KIAA1671: variants seen among roughly 807,000 people sequenced by gnomAD.
KIAA1671 encodes the protein uncharacterized protein KIAA1671.
A neutral mutation model predicts 131.2 loss-of-function variants in KIAA1671; 52 were observed. The observed-to-expected ratio is 0.40, with a 90% CI of 0.32 to 0.50. The LOEUF is 0.50. KIAA1671 is among the 20% of genes least tolerant of loss of function. KIAA1671 has a pLI of 0.73. For missense variants in KIAA1671, 2,360 were observed against 2,364.2 expected (o/e 1.00, Z 0.04); for synonymous variants, 1,003 against 961.6 (o/e 1.04, Z -0.80).
At chr22:24,958,112 G>A (rs1264980909) in intron 1 of KIAA1671, among the ~76,000 whole-genome samples, 1 of 151,964 alleles carries the variant, frequency 6.6e-6, no homozygotes, top group East Asian at 1.9e-4. Context: ...TGGAAGAGCT[G>A]GGATTTGAAC....
intron 6 of KIAA1671, among the ~76,000 whole-genome samples, chr22:25,103,242 G>T (rs1276122510): frequency 7.1e-6 from 1 of 141,380 alleles, no homozygotes; most frequent in South Asian, 2.2e-4. Context: ...ACGGCGTCTC[G>T]CTCTGTCACC....
intron 6 of KIAA1671, among the ~76,000 whole-genome samples, chr22:25,167,120 C>T (rs1430649440): frequency 1.3e-5 from 2 of 152,222 alleles, no homozygotes; most frequent in South Asian, 2.1e-4. Flanking sequence ...AGAATTCTGT[C>T]GATGGTGCTG....
intron 6 of KIAA1671, among the ~76,000 whole-genome samples, chr22:25,169,534 T>C (rs75480564): frequency 0.023 from 3,436 of 152,194 alleles, 135 homozygotes; most frequent in African/African-American, 0.077. Flanking sequence ...GATTGGACTT[T>C]TGGTTTTGTC....
intron 1 of KIAA1671, among the ~76,000 whole-genome samples, chr22:24,987,673 A>G (rs553621103): frequency 6.6e-6 from 1 of 152,160 alleles, no homozygotes; most frequent in South Asian, 2.1e-4. Context: ...GTCTTGCTGT[A>G]TTGCCCAGCC....
intron 1 of KIAA1671, among the ~76,000 whole-genome samples, chr22:24,991,275 G>A (rs940464405): frequency 2.0e-5 from 3 of 151,152 alleles, no homozygotes; most frequent in African/African-American, 7.4e-5. Flanking sequence ...CACCCACTTC[G>A]GCCTCCCAAA....
chr22:25,185,077 T>A lies in KIAA1671; in HGVS notation c.5300T>A (p.Leu1767Gln). 4 of 1,551,584 alleles carry A rather than the reference T, an allele frequency of 2.6e-6. No homozygotes were observed. The highest frequency in any genetic ancestry group is 3.5e-6 in the Non-Finnish European group (4 of 1,146,964). The change falls in exon 11 of 13, where the codon CTG (leucine) becomes CAG (glutamine). Residue 1767 changes from leucine to glutamine, a missense_variant. Leu to Gln is a moderately radical substitution (Grantham distance 113, BLOSUM62 -2). Around this residue, in one of 3 missense-constraint regions of KIAA1671, gnomAD observed 1,161 missense variants for 1,204.7 expected, o/e 0.96. Transcript: ENST00000358431. ...SPKSPFQPGVLGSRVLPSSMD... is the reference protein window; with the variant it reads ...SPKSPFQPGVQGSRVLPSSMD... The stretch of plus-strand genomic sequence containing the variant: ...AAGTCCCCCTTCCAGCCTGGGGTGC[T>A]GGGCAGTCGCGTGCTGCCTTCCAGC...
rs184323761 is a variant in KIAA1671, at chr22:25,095,276, C to T, written c.4530+45912C>T. ...TTCTTATGAAAGGCAGGGTGCCGTG[C>T]GGTCCAGTCTCTGCACAGACTCACA... On this transcript the variant is annotated intron_variant, in intron 6 of 12. Coordinates refer to ENST00000358431, the MANE Select transcript of KIAA1671 (RefSeq NM_001145206.2). 7.9e-4 allele frequency among the ~76,000 whole-genome samples: 120 copies of T among 152,302 alleles called. 1 individual carries two copies. Among genetic ancestry groups the T allele is most frequent in the African/African-American group, 2.7e-3 (114 of 41,564 alleles).
Position 25,039,517 on chromosome 22 carries a change from C to T in KIAA1671, c.2387C>T (p.Ala796Val), listed in dbSNP as rs1319757383. Residue 796 changes from alanine to valine, a missense_variant, in exon 5 of 13, where the codon GCC becomes GTC. Physicochemically the swap from Ala to Val is moderately conservative, Grantham distance 64. Around this residue, in one of 3 missense-constraint regions of KIAA1671, gnomAD observed 1,185 missense variants for 1,126.2 expected, o/e 1.05. Transcript: ENST00000358431. ...LEGQAGSVQR[A>V]SLIWEARGMP... is the part of the protein sequence containing the mutation. ...GGTCAGGCGGGGTCCGTCCAAAGGG[C>T]CAGTTTGATTTGGGAAGCTCGAGGC... 1.3e-6 allele frequency: 2 copies of T among 1,551,810 alleles called. No homozygotes were observed. Among genetic ancestry groups the T allele is most frequent in the Non-Finnish European group, 8.7e-7 (1 of 1,147,024 alleles).
rs1045426745 is a variant in KIAA1671 at position 25,195,069 on chromosome 22, G to C, written c.*2668G>C. On this transcript the variant is annotated 3_prime_UTR_variant, in exon 13 of 13. Transcript: ENST00000358431. ...GCCTTAATCATCTGTGTGTAATGGA[G>C]TCATCCGCTCCTCAATCTAACCCTC... 2.0e-5 allele frequency: 3 copies of C among 152,176 alleles called. No individual in the cohort carries two copies. Among genetic ancestry groups the C allele is most frequent in the African/African-American group, 7.2e-5 (3 of 41,444 alleles). 9.4% of individuals were successfully genotyped at this position (152,176 alleles called of 1,614,324 possible). A position where few individuals can be genotyped will look rare whatever the true frequency, so the allele number is the denominator to read the frequency against.
intron 6 of KIAA1671, among the ~76,000 whole-genome samples, chr22:25,104,683 C>G (rs899143084): frequency 6.6e-6 from 1 of 152,192 alleles, no homozygotes; most frequent in South Asian, 2.1e-4. Flanking sequence ...GGGGTTCACC[C>G]TCCCTATTAT....
intron 6 of KIAA1671, among the ~76,000 whole-genome samples, chr22:25,067,047 G>A (rs1209055206): frequency 4.6e-5 from 7 of 152,272 alleles, no homozygotes; most frequent in Admixed American, 2.0e-4. Context: ...CTCGGCCCAC[G>A]GGTCAGGGTG....
At chr22:25,166,904 C>A (rs569280044) in intron 6 of KIAA1671, among the ~76,000 whole-genome samples, 1 of 152,176 alleles carries the variant, frequency 6.6e-6, no homozygotes, top group African/African-American at 2.4e-5. Context: ...CCAGCATCCA[C>A]CTTGCAGCCT....
chr22:25,141,124 A>G (rs1015539443), intron 6 of KIAA1671, among the ~76,000 whole-genome samples: 3 of 152,130 alleles, frequency 2.0e-5, no homozygotes, highest in African/African-American at 7.2e-5. Context: ...TTACCCCTAT[A>G]TTTTTATCCT....
intron 6 of KIAA1671, among the ~76,000 whole-genome samples, chr22:25,155,996 T>C (rs1231799418): frequency 6.9e-6 from 1 of 145,246 alleles, no homozygotes; most frequent in Non-Finnish European, 1.5e-5. Flanking sequence ...TTTTTGTGCA[T>C]GTATGTGTGT....
chr22:25,076,313 T>C (rs1929106801), intron 6 of KIAA1671, among the ~76,000 whole-genome samples: 1 of 152,100 alleles, frequency 6.6e-6, no homozygotes, highest in African/African-American at 2.4e-5. Context: ...GTTTATTGTA[T>C]GCATAATTGT....
intron 5 of KIAA1671, among the ~76,000 whole-genome samples, chr22:25,047,803 C>T (rs1016506101): frequency 1.1e-4 from 17 of 152,318 alleles, no homozygotes; most frequent in African/African-American, 3.8e-4. Context: ...CTTTAAAGCA[C>T]AAAAGTTTTT....
chr22:25,042,882 G>A (rs1029728905), intron 5 of KIAA1671, among the ~76,000 whole-genome samples: 344 of 152,290 alleles, frequency 2.3e-3, no homozygotes, highest in African/African-American at 8.1e-3. Context: ...TCTCACTGGG[G>A]ACCCCGGGAG....
intron 6 of KIAA1671, among the ~76,000 whole-genome samples, chr22:25,067,061 G>C (rs1213268038): frequency 6.6e-6 from 1 of 152,162 alleles, no homozygotes; most frequent in Non-Finnish European, 1.5e-5. Context: ...CAGGGTGGTG[G>C]TCAGGGCGGC....
intron 1 of KIAA1671, among the ~76,000 whole-genome samples, chr22:24,962,043 C>T (rs537290802): frequency 1.3e-4 from 20 of 152,326 alleles, no homozygotes; most frequent in African/African-American, 4.8e-4. Context: ...AGAGATATTA[C>T]TGCATAAGAA....
Sources: allele counts gnomAD v4.1 joint callset (sites outside exome capture counted in the v4.1 genomes callset), GRCh38; gene constraint gnomAD v4.1.1; regional missense constraint gnomAD v4.1.1; transcripts MANE v1.5; gene names NCBI Gene and HGNC (gene_info 2026-07-23, HGNC 2026-07-21).